The following PLA2G4F variants were observed in gnomAD, a reference collection of about 807,000 sequenced individuals.
The protein encoded by PLA2G4F is phospholipase A2 group IVF, also known as cytosolic phospholipase A2 zeta.
Under a neutral mutation model 103.1 loss-of-function variants are expected in PLA2G4F, and 105 were observed. The observed-to-expected ratio is 1.02, with a 90% CI of 0.87 to 1.20. The LOEUF is 1.20. PLA2G4F is among the 50% of genes most tolerant of loss of function. The pLI is 0.00. For missense variants in PLA2G4F, 1,155 were observed against 1,075.9 expected (o/e 1.07, Z -1.03); for synonymous variants, 468 against 441.1 (o/e 1.06, Z -0.76).
At chr15:42,149,567 G>T (rs756531491) in intron 11 of PLA2G4F, 146 bp downstream of exon 11, 22 of 1,430,470 alleles carry the variant, frequency 1.5e-5, no homozygotes, top group Non-Finnish European at 1.9e-5. Flanking sequence ...GTCCCATATG[G>T]GGTCCTAGCT....
intron 11 of PLA2G4F, chr15:42,148,546 CA>C: frequency 1.1e-6 from 1 of 916,224 alleles, no homozygotes. Flanking sequence ...CCAGCAGCAA[CA>C]ATGAAATCGA....
Position 42,141,093 on chromosome 15 carries a change from C to T in PLA2G4F, c.*891G>A, listed in dbSNP as rs1415262128. 5.1e-6 allele frequency: 2 copies of T among 394,750 alleles called. No homozygotes were observed. The highest frequency in any genetic ancestry group is 1.5e-4 in the East Asian group (2 of 13,770). The allele number at this position is 394,750 out of a possible 1,614,324, so 24.5% of individuals were successfully genotyped here. ...CAGGCGAGGCTCCCTCTGCACTGCC[C>T]ATGCCTTGGAGTAACCCACCTCCAG... On this transcript the variant is annotated 3_prime_UTR_variant, in exon 20 of 20. Coordinates refer to ENST00000397272, the MANE Select transcript of PLA2G4F (RefSeq NM_213600.4).
intron 11 of PLA2G4F, 145 bp from the exon 12 acceptor site, chr15:42,147,907 T>C: frequency 7.6e-7 from 1 of 1,319,436 alleles, no homozygotes; most frequent in Non-Finnish European, 1.0e-6. Flanking sequence ...AACCCCATTT[T>C]CAGCCAGGCA....
chr15:42,141,313 C>T lies in PLA2G4F; in HGVS notation c.*671G>A, dbSNP rs115127817. On this transcript the variant is annotated 3_prime_UTR_variant, in exon 20 of 20. Coordinates refer to ENST00000397272, the MANE Select transcript of PLA2G4F (RefSeq NM_213600.4). ...CCTGGGTAACTGGCAGGGAGACACG[C>T]GCACATCTCCCACCTGGAGCAGCCA... is the stretch of plus-strand genomic sequence containing the variant. 3.0e-3 allele frequency: 1,383 copies of T among 456,686 alleles called. 14 individuals are homozygous for T. Among genetic ancestry groups the T allele is most frequent in the African/African-American group, 0.025 (1,273 of 50,184 alleles). 28.3% of individuals were successfully genotyped at this position (456,686 alleles called of 1,614,324 possible). A position where few individuals can be genotyped will look rare whatever the true frequency, so the allele number is the denominator to read the frequency against.
chr15:42,147,722 C>G lies in PLA2G4F; in HGVS notation c.1100G>C (p.Arg367Pro), dbSNP rs771499054. The G allele has an allele frequency of 6.8e-6, 11 of 1,610,606 alleles. No individual in the cohort carries two copies. The highest frequency in any genetic ancestry group is 9.3e-6 in the Non-Finnish European group (11 of 1,178,194). The change falls in exon 12 of 20, where the codon CGA (arginine) becomes CCA (proline). Residue 367 changes from arginine (R) to proline (P), a missense_variant. Around this residue, in one of 3 missense-constraint regions of PLA2G4F, gnomAD observed 782 missense variants for 692.9 expected, o/e 1.13. Coordinates refer to ENST00000397272, the MANE Select transcript of PLA2G4F (RefSeq NM_213600.4). The stretch of plus-strand genomic sequence containing the variant: ...GCTGCCGTACAGAGAAGACATGGCT[C>G]GGGTTCCACCCCCGGAACCCAACAC... ...VAVLGSGGGTRAMSSLYGSLA... is the reference protein window; with the variant it reads ...VAVLGSGGGTPAMSSLYGSLA...
At position 42,141,418 on chromosome 15, in the gene PLA2G4F, G is replaced by T; in HGVS notation, c.*566C>A. 4.4e-6 allele frequency: 2 copies of T among 454,452 alleles called. No individual in the cohort carries two copies. The highest frequency in any genetic ancestry group is 4.4e-6 in the Non-Finnish European group (1 of 225,754). The allele number at this position is 454,452 out of a possible 1,614,324, so 28.2% of individuals were successfully genotyped here. ...GGAGGAGGCACGAGGAGACCAGAAGGCAGAAGGAGGGTTAGGATGATGGAG... is the reference window on the plus strand; with the variant it reads ...GGAGGAGGCACGAGGAGACCAGAAGTCAGAAGGAGGGTTAGGATGATGGAG... On this transcript the variant is annotated 3_prime_UTR_variant, in exon 20 of 20. Coordinates refer to ENST00000397272, the MANE Select transcript of PLA2G4F (RefSeq NM_213600.4).
chr15:42,142,454 C>A (rs2141124258), intron 19 of PLA2G4F, 74 bp downstream of exon 19: 1 of 1,487,650 alleles, frequency 6.7e-7, no homozygotes, highest in East Asian at 2.3e-5. Flanking sequence ...CTCCAGGGAA[C>A]CCACCCTCAG....
intron 18 of PLA2G4F, among the ~76,000 whole-genome samples, chr15:42,143,076 G>A (rs2048841805): frequency 2.0e-5 from 3 of 151,266 alleles, no homozygotes; most frequent in South Asian, 2.1e-4. Context: ...CTACTCGGGA[G>A]GCTGAGGCAG....
chr15:42,150,945 G>A (rs949279597), intron 7 of PLA2G4F, 168 bp from the exon 8 acceptor site: 1 of 985,284 alleles, frequency 1.0e-6, no homozygotes, highest in Non-Finnish European at 1.2e-6. Flanking sequence ...AAAGCCTCTG[G>A]AAGGACTCTT....
At chr15:42,154,570 C>T in intron 2 of PLA2G4F, 112 bp from the exon 3 acceptor site, 2 of 1,274,720 alleles carry the variant, frequency 1.6e-6, no homozygotes, top group Non-Finnish European at 2.1e-6. Context: ...GGAAGCCGCC[C>T]ACGTGGCATG....
Position 42,147,131 on chromosome 15 carries a change from T to C in PLA2G4F, c.1412A>G (p.Tyr471Cys). The change falls in exon 13 of 20, where the codon TAC becomes TGC. Residue 471 changes from tyrosine (Y) to cysteine (C), a missense_variant. Tyr to Cys is a radical substitution (Grantham distance 194). This residue lies in a region of PLA2G4F where 782 missense variants were observed against 692.9 expected (regional missense o/e 1.13). Transcript: ENST00000397272. ...LWGLLVEYLL[Y>C]QEENPAKLSD... The stretch of plus-strand genomic sequence containing the variant: ...TTCTGGCTCTTCTCTCACCTCCTGG[T>C]ACAGGAGATACTCAACAAGGAGGCC... 6.2e-7 allele frequency: 1 copy of C among 1,611,668 alleles called. No homozygotes were observed. Among genetic ancestry groups the C allele is most frequent in the Non-Finnish European group, 8.5e-7 (1 of 1,179,422 alleles).
chr15:42,153,387 A>C, intron 5 of PLA2G4F, 45 bp from the exon 6 acceptor site: 1 of 1,594,596 alleles, frequency 6.3e-7, no homozygotes, highest in South Asian at 1.1e-5. Flanking sequence ...TGGCCCCATC[A>C]TGATGGCCTC....
At chr15:42,145,715 AGGGCCT>A (rs749480155) in intron 15 of PLA2G4F, 33 bp from the exon 16 acceptor site, 5 of 1,613,560 alleles carry the variant, frequency 3.1e-6, no homozygotes, top group Non-Finnish European at 4.2e-6. Flanking sequence ...ACCCCACGTC[AGGGCCT>A]GGCCCCGGCA....
At chr15:42,143,872 A>G in intron 18 of PLA2G4F, 106 bp downstream of exon 18, 1 of 1,399,496 alleles carries the variant, frequency 7.1e-7, no homozygotes, top group South Asian at 1.4e-5. Flanking sequence ...ATCCCCACAC[A>G]CCCAGCCAGT....
intron 7 of PLA2G4F, chr15:42,151,163 C>T (rs924311615): frequency 1.0e-6 from 1 of 985,222 alleles, no homozygotes; most frequent in African/African-American, 1.7e-5. Context: ...AGCCTCTTTA[C>T]TCATTGTGTT....
intron 11 of PLA2G4F, chr15:42,148,577 G>A (rs1287655267): frequency 2.1e-6 from 2 of 936,998 alleles, no homozygotes; most frequent in African/African-American, 3.6e-5. Context: ...ATGGATGAAT[G>A]TCCCCAGGGG....
rs368847186 is a variant in PLA2G4F at position 42,140,392 on chromosome 15, A to C, written c.*1592T>G. 21 of 152,384 alleles carry C rather than the reference A, an allele frequency of 1.4e-4. No homozygotes were observed. The highest frequency in any genetic ancestry group is 9.7e-4 in the East Asian group (5 of 5,178). The allele number at this position is 152,384 out of a possible 1,614,324, so 9.4% of individuals were successfully genotyped here. The stretch of plus-strand genomic sequence containing the variant: ...TGAACCCTATGAAGGTTTTACTAAC[A>C]AGTTATTGATGACGGCAGGCACAGC... On this transcript the variant is annotated 3_prime_UTR_variant, in exon 20 of 20. Coordinates refer to ENST00000397272, the MANE Select transcript of PLA2G4F (RefSeq NM_213600.4).
At chr15:42,149,905 G>A in intron 10 of PLA2G4F, 57 bp from the exon 11 acceptor site, 1 of 1,589,646 alleles carries the variant, frequency 6.3e-7, no homozygotes, top group Admixed American at 1.7e-5. Context: ...TCCAGTGGAG[G>A]AGAGCCTTGG....
At position 42,153,654 on chromosome 15, in the gene PLA2G4F, G is replaced by C. The variant is rs771396762; in HGVS notation, c.457C>G (p.Gln153Glu). The change falls in exon 5 of 20, where the codon CAA (glutamine) becomes GAA (glutamate). Residue 153 changes from glutamine to glutamate, a missense_variant. Gln to Glu is a conservative substitution (Grantham distance 29). Around this residue, in one of 3 missense-constraint regions of PLA2G4F, gnomAD observed 370 missense variants for 364.9 expected, o/e 1.01. Coordinates refer to ENST00000397272, the MANE Select transcript of PLA2G4F (RefSeq NM_213600.4). ...AGAACAAATTCCACCTGCAGCTCTT[G>C]TGAATCCTACATGGAGGGGGAGGGA... ...HTFPLNHQDS[Q>E]ELQVEFVLEK... 1 of 1,614,190 alleles carries C rather than the reference G, an allele frequency of 6.2e-7. No individual in the cohort carries two copies. Among genetic ancestry groups the C allele is most frequent in the Non-Finnish European group, 8.5e-7 (1 of 1,180,034 alleles).
Sources: gnomAD v4.1 joint callset for allele counts (sites outside exome capture counted in the v4.1 genomes callset) on GRCh38, gnomAD v4.1.1 for gene constraint, gnomAD v4.1.1 regional missense constraint, MANE v1.5 for transcripts, NCBI Gene and HGNC (gene_info 2026-07-23, HGNC 2026-07-21) for gene names.